Variants in HTRA4 observed in about 807,000 individuals in gnomAD.
HTRA4 encodes HtrA serine peptidase 4, also known as serine protease HTRA4.
A neutral mutation model predicts 49.1 loss-of-function variants in HTRA4; 46 were observed. The ratio of observed to expected loss-of-function variants is 0.94; its 90% CI spans 0.74 to 1.20. The LOEUF (loss-of-function observed/expected upper bound fraction) is 1.20. Ranked by LOEUF, HTRA4 falls within the 50% of genes most tolerant of loss-of-function variation. The probability of loss-of-function intolerance (pLI) is 0.00; values close to 1 mark genes in which losing one functional copy is unlikely to be tolerated. For synonymous variants in HTRA4, 261 were observed against 264.0 expected, an observed-to-expected ratio of 0.99 and a Z score of 0.11; for missense variants, 602 against 636.9, an observed-to-expected ratio of 0.95 and a Z score of 0.59.
At chr8:38,981,467 T>C (rs1269960383) in intron 5 of HTRA4, among the ~76,000 whole-genome samples, 186 bp from the exon 6 acceptor site, 1 of 152,110 alleles carries the variant, frequency 6.6e-6, no homozygotes, top group African/African-American at 2.4e-5. Context: ...AGTTACCCTT[T>C]GCTGTCCCAT....
rs1835388386 is a variant in HTRA4 at position 38,979,089 on chromosome 8, C to T, written c.967-126C>T. The T allele has an allele frequency of 2.0e-5, 17 of 830,458 alleles. No individual in the cohort carries two copies. In the South Asian group the frequency reaches 2.3e-4, roughly 11 times the overall value. The allele number at this position is 830,458 out of a possible 1,614,324, so 51.4% of individuals were successfully genotyped here. A position where few individuals can be genotyped will look rare whatever the true frequency, so the allele number is the denominator to read the frequency against. On this transcript the variant is annotated intron_variant, in intron 4 of 8. Coordinates refer to ENST00000302495, the MANE Select transcript of HTRA4 (RefSeq NM_153692.4). ...TGGTGATGATAGGGGCACAATTTTGCCGGCCTGGGGGGAATAGGAGCTTGG... is the reference window on the plus strand; with the variant it reads ...TGGTGATGATAGGGGCACAATTTTGTCGGCCTGGGGGGAATAGGAGCTTGG...
chr8:38,987,969 C>T lies in HTRA4; in HGVS notation c.1302C>T (p.Asn434=). ...SGLRDHDVIV[N]INGKPITTTT... is the part of the protein sequence containing the mutation. ...TGAGAGATCACGATGTAATTGTCAA[C>T]ATAAATGGGAAACCTATTACTACTA... Residue 434 remains asparagine, a synonymous_variant, in exon 9 of 9, where the codon AAC becomes AAT. Transcript: ENST00000302495. 2 of 1,605,156 alleles carry T rather than the reference C, an allele frequency of 1.2e-6. No individual in the cohort carries two copies. Among genetic ancestry groups the T allele is most frequent in the Non-Finnish European group, 1.7e-6 (2 of 1,177,616 alleles).
chr8:38,981,281 A>G (rs1835420469), intron 5 of HTRA4, among the ~76,000 whole-genome samples: 3 of 151,168 alleles, frequency 2.0e-5, no homozygotes, highest in African/African-American at 7.3e-5. Context: ...GGGTTTCACC[A>G]TGTTAGCCAG....
intron 5 of HTRA4, among the ~76,000 whole-genome samples, chr8:38,980,499 G>A (rs1444966865): frequency 6.6e-6 from 1 of 151,742 alleles, no homozygotes; most frequent in African/African-American, 2.4e-5. Flanking sequence ...AGTCTGAGGT[G>A]GGTGGATCAC....
chr8:38,988,119 A>T lies in HTRA4; in HGVS notation c.*21A>T, dbSNP rs66513029. On this transcript the variant is annotated 3_prime_UTR_variant, in exon 9 of 9. Coordinates refer to ENST00000302495, the MANE Select transcript of HTRA4 (RefSeq NM_153692.4). ...ATTAAATATCTTGTTTTAAAGTGGG[A>T]TTATCTAAAAAAAAAAAAACCAGTT... 2.7e-6 allele frequency: 4 copies of T among 1,497,330 alleles called. No homozygotes were observed. Among genetic ancestry groups the T allele is most frequent in the Non-Finnish European group, 3.6e-6 (4 of 1,120,964 alleles). The allele number at this position is 1,497,330 out of a possible 1,614,324, so 92.8% of individuals were successfully genotyped here.
At chr8:38,981,838 G>T in intron 6 of HTRA4, 71 bp downstream of exon 6, 1 of 1,099,518 alleles carries the variant, frequency 9.1e-7, no homozygotes, top group Non-Finnish European at 1.4e-6. Context: ...ATCTTTTGTG[G>T]TGACAGCAAT....
chr8:38,979,337 G>A (rs979102744), intron 5 of HTRA4, 90 bp downstream of exon 5: 1 of 1,192,260 alleles, frequency 8.4e-7, no homozygotes, highest in Non-Finnish European at 1.3e-6. Context: ...GCTCATGCCT[G>A]TAATCCCAGC....
At position 38,976,605 on chromosome 8, in the gene HTRA4, A is replaced by T; in HGVS notation, c.637A>T (p.Ile213Phe). ...SGFIVSEDGL[I>F]ITNAHVVRNQ... ...GTTCATAGTGTCTGAGGACGGGCTC[A>T]TTATTACCAATGCCCATGTTGTCAG... The change falls in exon 3 of 9, where the codon ATT becomes TTT. Residue 213 changes from isoleucine (I) to phenylalanine (F), a missense_variant. Transcript: ENST00000302495. 6.2e-7 allele frequency: 1 copy of T among 1,614,144 alleles called. No homozygotes were observed. The highest frequency in any genetic ancestry group is 8.5e-7 in the Non-Finnish European group (1 of 1,180,042).
At chr8:38,980,355 T>C (rs148267729) in intron 5 of HTRA4, among the ~76,000 whole-genome samples, 1 of 152,252 alleles carries the variant, frequency 6.6e-6, no homozygotes, top group Non-Finnish European at 1.5e-5. Context: ...ATGAGTTTAC[T>C]AGAGCAGGGA....
At chr8:38,974,947 C>T in intron 1 of HTRA4, 84 bp from the exon 2 acceptor site, 4 of 1,513,510 alleles carry the variant, frequency 2.6e-6, no homozygotes, top group Non-Finnish European at 3.7e-6. Context: ...CTTTTGAACA[C>T]TGTCTTGCCT....
rs1427645688 is a variant in HTRA4 at position 38,975,046 on chromosome 8, G to A, written c.482G>A (p.Gly161Asp). The A allele has an allele frequency of 6.2e-7, 1 of 1,614,138 alleles. No homozygotes were observed. Among genetic ancestry groups the A allele is most frequent in the South Asian group, 1.1e-5 (1 of 91,086 alleles). The change falls in exon 2 of 9, where the codon GGC (glycine) becomes GAC (aspartate). Residue 161 changes from glycine (G) to aspartate (D), a missense_variant. Gly to Asp is a moderately conservative substitution (Grantham distance 94). Coordinates refer to ENST00000302495, the MANE Select transcript of HTRA4 (RefSeq NM_153692.4). ...TTTTTCATAGGGACCAGAAGCGCAG[G>A]CCCGCTCAGGAGGAATTACAACTTC... ...NCGDTGTRSA[G>D]PLRRNYNFIA...
At chr8:38,975,168 A>T in intron 2 of HTRA4, 38 bp downstream of exon 2, 1 of 1,596,400 alleles carries the variant, frequency 6.3e-7, no homozygotes, top group Non-Finnish European at 8.6e-7. Flanking sequence ...TGTCCCAGCT[A>T]ATGGTTTCTG....
Position 38,976,532 on chromosome 8 carries a change from C to T in HTRA4, c.567-3C>T. 1 of 1,613,484 alleles carries T rather than the reference C, an allele frequency of 6.2e-7. No individual in the cohort carries two copies. The highest frequency in any genetic ancestry group is 8.5e-7 in the Non-Finnish European group (1 of 1,180,010). ...TGTTTACACTATTGTCTTGTGGAGA[C>T]AGGTTACTTCACGGCAGCAGGCTTG... On this transcript the variant is annotated splice_region_variant and splice_polypyrimidine_tract_variant and intron_variant, in intron 2 of 8. Transcript: ENST00000302495.
In HTRA4 at chr8:38,974,746, C is replaced by T. The variant is rs1835323853; in HGVS notation, c.466+17C>T. On this transcript the variant is annotated intron_variant, in intron 1 of 8. Transcript: ENST00000302495. ...GGGATACAGGTGAGCCGCGGGGGCG[C>T]GCGCCCTCGGAACACTTTCTAACTC... 2.8e-6 allele frequency: 4 copies of T among 1,411,720 alleles called. No homozygotes were observed. The highest frequency in any genetic ancestry group is 6.3e-5 in the Admixed American group (2 of 31,734). 87.4% of individuals were successfully genotyped at this position (1,411,720 alleles called of 1,614,324 possible).
chr8:38,981,915 T>C (rs1835429080), intron 6 of HTRA4, 148 bp downstream of exon 6: 1 of 624,610 alleles, frequency 1.6e-6, no homozygotes, highest in Non-Finnish European at 2.8e-6. Context: ...TGGCGTGATC[T>C]TGGTTTACTG....
At chr8:38,983,565 G>A (rs1443715321) in intron 8 of HTRA4, among the ~76,000 whole-genome samples, 1 of 152,022 alleles carries the variant, frequency 6.6e-6, no homozygotes, top group African/African-American at 2.4e-5. Flanking sequence ...GTATATTGGG[G>A]GGGTGTGTTA....
intron 7 of HTRA4, 91 bp downstream of exon 7, chr8:38,982,646 C>A: frequency 8.3e-7 from 1 of 1,204,884 alleles, no homozygotes. Flanking sequence ...CCACTTGGAC[C>A]ACAGCCAGGT....
Position 38,974,484 on chromosome 8 carries a change from C to A in HTRA4, c.221C>A (p.Ala74Glu), listed in dbSNP as rs1835316527. ...TGCCGCTGTTGCCGCGTCTGCCCCGCGGCCGAGCGTGAAGTCTGCGGCGGG... is the reference window on the plus strand; with the variant it reads ...TGCCGCTGTTGCCGCGTCTGCCCCGAGGCCGAGCGTGAAGTCTGCGGCGGG... Reference protein sequence around the residue: ...DLCRCCRVCPAAEREVCGGAQ... With the variant: ...DLCRCCRVCPEAEREVCGGAQ... Residue 74 changes from alanine to glutamate, a missense_variant, in exon 1 of 9, where the codon GCG becomes GAG. Ala to Glu is a moderately radical substitution (Grantham distance 107, BLOSUM62 -1). Coordinates refer to ENST00000302495, the MANE Select transcript of HTRA4 (RefSeq NM_153692.4). The A allele has an allele frequency of 1.3e-6, 2 of 1,521,536 alleles. No homozygotes were observed. Among genetic ancestry groups the A allele is most frequent in the Non-Finnish European group, 8.8e-7 (1 of 1,141,210 alleles). The allele number at this position is 1,521,536 out of a possible 1,614,324, so 94.3% of individuals were successfully genotyped here. A position where few individuals can be genotyped will look rare whatever the true frequency, so the allele number is the denominator to read the frequency against.
intron 8 of HTRA4, among the ~76,000 whole-genome samples, chr8:38,984,077 T>G (rs1393471235): frequency 6.6e-6 from 1 of 151,952 alleles, no homozygotes; most frequent in Non-Finnish European, 1.5e-5. Context: ...CTTGGCTCAC[T>G]GCAACCTCCA....
Sources: allele counts gnomAD v4.1 joint callset (sites outside exome capture counted in the v4.1 genomes callset), GRCh38; gene constraint gnomAD v4.1.1; transcripts MANE v1.5; gene names NCBI Gene and HGNC (gene_info 2026-07-23, HGNC 2026-07-21).